BTBD10: variants seen among roughly 807,000 people sequenced by gnomAD.
The protein encoded by BTBD10 is BTB domain containing 10.
Under a neutral mutation model 53.2 loss-of-function variants are expected in BTBD10, and 21 were observed. The ratio of observed to expected loss-of-function variants is 0.39; its 90% confidence interval spans 0.28 to 0.57. BTBD10 has a LOEUF of 0.57. Among genes scored for constraint, BTBD10 ranks in the 20% least tolerant of loss-of-function variants. The pLI, the probability that BTBD10 is intolerant of heterozygous loss-of-function variation, is 0.53. For missense variants in BTBD10, 360 were observed against 594.7 expected (o/e 0.61, Z 4.10); for synonymous variants, 149 against 192.7 (o/e 0.77, Z 1.88).
chr11:13,424,681 T>C (rs1950303776), intron 2 of BTBD10, among the ~76,000 whole-genome samples: 1 of 152,076 alleles, frequency 6.6e-6, no homozygotes, highest in South Asian at 2.1e-4. Context: ...AGCCCTAATA[T>C]CTATTTCCAG....
intron 2 of BTBD10, among the ~76,000 whole-genome samples, chr11:13,444,175 T>C (rs367899677): frequency 1.3e-5 from 2 of 151,848 alleles, no homozygotes; most frequent in African/African-American, 4.8e-5. Flanking sequence ...ATAAAGTACC[T>C]GAACTATTTC....
intron 6 of BTBD10, among the ~76,000 whole-genome samples, chr11:13,406,616 AGTGTGTGTGT>A (rs71041525): frequency 6.8e-6 from 1 of 148,114 alleles, no homozygotes. Context: ...AGAGAGAGAC[AGTGTGTGTGT>A]GTGTGTGTGT....
chr11:13,424,723 C>T (rs1221034863), intron 2 of BTBD10, among the ~76,000 whole-genome samples: 5 of 152,122 alleles, frequency 3.3e-5, no homozygotes, highest in Admixed American at 2.6e-4. Flanking sequence ...TGAGTTCATA[C>T]TCTTGTCTGA....
chr11:13,402,461 G>A (rs1949734644), intron 8 of BTBD10, among the ~76,000 whole-genome samples: 1 of 152,124 alleles, frequency 6.6e-6, no homozygotes, highest in African/African-American at 2.4e-5. Context: ...TAAGTGCCTT[G>A]GCCAAGGTCA....
At chr11:13,461,037 TACTATA>T (rs1711589830) in intron 1 of BTBD10, among the ~76,000 whole-genome samples, 1 of 152,244 alleles carries the variant, frequency 6.6e-6, no homozygotes, top group Non-Finnish European at 1.5e-5. Context: ...CAAATTGCCC[TACTATA>T]ACTATACTTA....
At chr11:13,446,276 A>G (rs541571305) in intron 1 of BTBD10, among the ~76,000 whole-genome samples, 1 of 152,270 alleles carries the variant, frequency 6.6e-6, no homozygotes, top group African/African-American at 2.4e-5. Flanking sequence ...AGTTGTACAT[A>G]AAAGTCAAAG....
intron 6 of BTBD10, among the ~76,000 whole-genome samples, chr11:13,409,816 A>G (rs1949902115): frequency 6.6e-6 from 1 of 152,232 alleles, no homozygotes; most frequent in Admixed American, 6.5e-5. Context: ...TATAAACTCC[A>G]TAAAGGCAGG....
chr11:13,426,935 A>C (rs1950349910), intron 2 of BTBD10, among the ~76,000 whole-genome samples: 1 of 152,170 alleles, frequency 6.6e-6, no homozygotes, highest in Admixed American at 6.5e-5. Flanking sequence ...AACTGTCTAA[A>C]CCATAAAAGG....
intron 8 of BTBD10, among the ~76,000 whole-genome samples, chr11:13,393,080 T>C (rs1232852437): frequency 1.3e-5 from 2 of 152,202 alleles, no homozygotes; most frequent in Non-Finnish European, 2.9e-5. Flanking sequence ...TTTGGTGGAA[T>C]TGTGGTGTGG....
At chr11:13,444,905 A>G in intron 2 of BTBD10, 119 bp downstream of exon 2, 1 of 593,874 alleles carries the variant, frequency 1.7e-6, no homozygotes, top group Non-Finnish European at 2.9e-6. Flanking sequence ...AACATTCACA[A>G]CGTTTTGTAA....
At position 13,444,942 on chromosome 11, in the gene BTBD10, T is replaced by G; in HGVS notation, c.101+82A>C. ...ACAGCCCCCATTCTCTGACAGGAAT[T>G]GCCACAACCAAATGCAGTAGTATTC... On this transcript the variant is annotated intron_variant, in intron 2 of 8. Coordinates refer to ENST00000278174, the MANE Select transcript of BTBD10 (RefSeq NM_032320.7). 1.5e-5 allele frequency: 15 copies of G among 1,007,214 alleles called. No individual in the cohort carries two copies. In the South Asian group the frequency reaches 2.5e-4, roughly 17 times the overall value. The allele number at this position is 1,007,214 out of a possible 1,614,324, so 62.4% of individuals were successfully genotyped here. A position where few individuals can be genotyped will look rare whatever the true frequency, so the allele number is the denominator to read the frequency against.
chr11:13,414,167 CTTT>C (rs1485590420), intron 5 of BTBD10, among the ~76,000 whole-genome samples: 3 of 152,174 alleles, frequency 2.0e-5, no homozygotes, highest in South Asian at 4.1e-4. Flanking sequence ...AGATATTCTT[CTTT>C]TAATACTACC....
chr11:13,441,817 A>T (rs1950656732), intron 2 of BTBD10, among the ~76,000 whole-genome samples: 1 of 152,124 alleles, frequency 6.6e-6, no homozygotes. Flanking sequence ...TAAATCCCCA[A>T]CTGTTCAAGG....
intron 1 of BTBD10, among the ~76,000 whole-genome samples, chr11:13,450,707 G>A (rs10832038): frequency 6.6e-6 from 1 of 151,924 alleles, no homozygotes; most frequent in Admixed American, 6.6e-5. Context: ...AATAATGTAG[G>A]ACAAAGAACA....
chr11:13,416,357 CA>C (rs1416631667), intron 5 of BTBD10, among the ~76,000 whole-genome samples: 1 of 150,488 alleles, frequency 6.6e-6, no homozygotes, highest in African/African-American at 2.4e-5. Flanking sequence ...CTGTCTGGGG[CA>C]AAAAACAACA....
At chr11:13,418,589 T>C (rs934311322) in intron 4 of BTBD10, among the ~76,000 whole-genome samples, 7 of 152,210 alleles carry the variant, frequency 4.6e-5, no homozygotes, top group Admixed American at 2.0e-4. Flanking sequence ...ATATAAAGCA[T>C]AGTGTCAATG....
chr11:13,441,272 A>C (rs1390422836), intron 2 of BTBD10, among the ~76,000 whole-genome samples: 5 of 152,138 alleles, frequency 3.3e-5, no homozygotes, highest in African/African-American at 1.2e-4. Flanking sequence ...TTCAAAAGAA[A>C]GTTTAAAAAA....
chr11:13,429,453 A>G (rs1040872398), intron 2 of BTBD10, among the ~76,000 whole-genome samples: 2 of 152,236 alleles, frequency 1.3e-5, no homozygotes, highest in Non-Finnish European at 2.9e-5. Flanking sequence ...ACATAGATCA[A>G]TGAATCAGAA....
In BTBD10 at chr11:13,417,166, C is replaced by T. The variant is rs150841566; in HGVS notation, c.679G>A (p.Ala227Thr). 146 of 1,611,634 alleles carry T rather than the reference C, an allele frequency of 9.1e-5. No individual in the cohort carries two copies. Among genetic ancestry groups the T allele is most frequent in the Non-Finnish European group, 1.2e-4 (145 of 1,178,990 alleles). Residue 227 changes from alanine (A) to threonine (T), a missense_variant, in exon 5 of 9, where the codon GCG becomes ACG. Coordinates refer to ENST00000278174, the MANE Select transcript of BTBD10 (RefSeq NM_032320.7). ...AEGIGSTVFR[A>T]ILDYYKTGII... Reference sequence around the variant, plus strand: ...TCATAAGAAACACTCACCAGAATCGCTCGAAACACAGTGGAACCAATTCCC... The same window carrying T: ...TCATAAGAAACACTCACCAGAATCGTTCGAAACACAGTGGAACCAATTCCC...
Sources: gnomAD v4.1 joint callset for allele counts (sites outside exome capture counted in the v4.1 genomes callset) on GRCh38, gnomAD v4.1.1 for gene constraint, MANE v1.5 for transcripts, NCBI Gene and HGNC (gene_info 2026-07-23, HGNC 2026-07-21) for gene names.